The following MTMR2 variants were observed in gnomAD, a reference collection of about 807,000 sequenced individuals.
MTMR2 encodes myotubularin related protein 2.
Under a neutral mutation model 86.9 loss-of-function variants are expected in MTMR2, and 55 were observed. The ratio of observed to expected loss-of-function variants is 0.63; its 90% CI spans 0.51 to 0.79. The LOEUF is 0.79. Among genes scored for constraint, MTMR2 ranks in the 30% least tolerant of loss-of-function variants. The probability of loss-of-function intolerance (pLI) is 0.00; values close to 1 mark genes in which losing one functional copy is unlikely to be tolerated. For synonymous variants in MTMR2, 241 were observed against 266.8 expected, an observed-to-expected ratio of 0.90 and a Z score of 0.94; for missense variants, 659 against 772.3, an observed-to-expected ratio of 0.85 and a Z score of 1.74.
At chr11:95,886,339 A>C (rs1325632472) in intron 2 of MTMR2, among the ~76,000 whole-genome samples, 2 of 152,216 alleles carry the variant, frequency 1.3e-5, no homozygotes, top group Non-Finnish European at 2.9e-5. Flanking sequence ...TCTAAAATTA[A>C]AAGTTTAAGA....
intron 14 of MTMR2, 107 bp from the exon 15 acceptor site, chr11:95,835,558 T>C: frequency 8.9e-7 from 1 of 1,126,426 alleles, no homozygotes; most frequent in South Asian, 1.3e-5. Context: ...TTGGAACCAA[T>C]GGCACCTTTC....
intron 1 of MTMR2, among the ~76,000 whole-genome samples, chr11:95,910,507 T>C (rs992680377): frequency 2.6e-5 from 4 of 152,044 alleles, no homozygotes; most frequent in Non-Finnish European, 5.9e-5. Context: ...CTTCAAGTCA[T>C]CTATCTTTTC....
intron 2 of MTMR2, among the ~76,000 whole-genome samples, chr11:95,867,407 G>T (rs1864655857): frequency 6.6e-6 from 1 of 152,102 alleles, no homozygotes; most frequent in Non-Finnish European, 1.5e-5. Flanking sequence ...TTCTGGCAAA[G>T]GCACACAGAA....
intron 1 of MTMR2, among the ~76,000 whole-genome samples, chr11:95,917,652 A>C (rs562563283): frequency 6.3e-4 from 96 of 152,330 alleles, no homozygotes; most frequent in African/African-American, 2.1e-3. Context: ...TTCAGGCTGC[A>C]CGCCAATATA....
At chr11:95,878,670 CT>C (rs1479461740) in intron 2 of MTMR2, among the ~76,000 whole-genome samples, 2 of 152,050 alleles carry the variant, frequency 1.3e-5, no homozygotes, top group African/African-American at 4.8e-5. Flanking sequence ...TTTGTCCTGT[CT>C]CATCCTTTCA....
At chr11:95,847,677 G>C (rs1233966041) in intron 10 of MTMR2, 37 bp downstream of exon 10, 2 of 1,522,240 alleles carry the variant, frequency 1.3e-6, no homozygotes, top group Non-Finnish European at 9.1e-7. Flanking sequence ...AAGGGGTAGA[G>C]AGAGTCTTTG....
intron 3 of MTMR2, among the ~76,000 whole-genome samples, chr11:95,863,840 T>C (rs1042245113): frequency 1.3e-5 from 2 of 152,172 alleles, no homozygotes; most frequent in Non-Finnish European, 2.9e-5. Flanking sequence ...ACTATTATCA[T>C]CATTAGTCTT....
intron 1 of MTMR2, among the ~76,000 whole-genome samples, chr11:95,917,359 T>C (rs1290315805): frequency 6.6e-6 from 1 of 152,198 alleles, no homozygotes; most frequent in East Asian, 1.9e-4. Flanking sequence ...ACTTGGCAGC[T>C]TTCCAAAATA....
intron 14 of MTMR2, 89 bp downstream of exon 14, chr11:95,836,059 A>T (rs894064362): frequency 1.6e-6 from 2 of 1,274,084 alleles, no homozygotes. Flanking sequence ...AGTTTTAAAT[A>T]TGCACAGATA....
chr11:95,905,331 G>GCGCGCACA (rs928252045), intron 1 of MTMR2, among the ~76,000 whole-genome samples: 4 of 147,992 alleles, frequency 2.7e-5, no homozygotes, highest in African/African-American at 1.0e-4. Flanking sequence ...ACGCACCTGC[G>GCGCGCACA]CACACACACA....
chr11:95,888,269 A>G lies in MTMR2; in HGVS notation c.81-8T>C. Reference sequence around the variant, plus strand: ...GAATGAGAAGTGGAGGCACTACAAAATACAAAAGTACAGTATGTTGGAAAA... The same window carrying G: ...GAATGAGAAGTGGAGGCACTACAAAGTACAAAAGTACAGTATGTTGGAAAA... On this transcript the variant is annotated splice_region_variant and splice_polypyrimidine_tract_variant and intron_variant, in intron 1 of 14. Transcript: ENST00000346299. The G allele has an allele frequency of 6.3e-7, 1 of 1,582,136 alleles. No homozygotes were observed. Among genetic ancestry groups the G allele is most frequent in the Non-Finnish European group, 8.7e-7 (1 of 1,154,180 alleles).
chr11:95,888,068 T>C, intron 2 of MTMR2, 88 bp downstream of exon 2: 2 of 968,626 alleles, frequency 2.1e-6, no homozygotes, highest in Middle Eastern at 3.0e-4. Flanking sequence ...TCCATCAGTA[T>C]CTCCTGCTAA....
intron 2 of MTMR2, among the ~76,000 whole-genome samples, chr11:95,882,818 G>A (rs1865380062): frequency 6.7e-6 from 1 of 148,406 alleles, no homozygotes; most frequent in East Asian, 2.0e-4. Flanking sequence ...CGCCTCCCGG[G>A]TTCACGCCAT....
chr11:95,839,829 G>C (rs1863462515), intron 12 of MTMR2, among the ~76,000 whole-genome samples: 1 of 151,956 alleles, frequency 6.6e-6, no homozygotes, highest in African/African-American at 2.4e-5. Flanking sequence ...TTTATATTCA[G>C]GAAGAAAATA....
chr11:95,854,244 A>G (rs1460591129), intron 7 of MTMR2, among the ~76,000 whole-genome samples: 2 of 152,136 alleles, frequency 1.3e-5, no homozygotes, highest in South Asian at 2.1e-4. Flanking sequence ...TCTTTGGTAT[A>G]TATCTACTCT....
rs523153 is a variant in MTMR2 at position 95,837,797 on chromosome 11, G to A, written c.1593+297C>T. Reference sequence around the variant, plus strand: ...GCTGTAAAGGATTTCCATTCTACATGGAAAAATTGGTACACTGGTGCTCCT... The same window carrying A: ...GCTGTAAAGGATTTCCATTCTACATAGAAAAATTGGTACACTGGTGCTCCT... On this transcript the variant is annotated intron_variant, in intron 13 of 14. Coordinates refer to ENST00000346299, the MANE Select transcript of MTMR2 (RefSeq NM_016156.6). 0.35 allele frequency among the ~76,000 whole-genome samples: 53,134 copies of A among 151,782 alleles called. 9,930 individuals carry two copies. The highest frequency in any genetic ancestry group is 0.42 in the Non-Finnish European group (28,446 of 67,840).
Position 95,835,175 on chromosome 11 carries a change from AAAGT to A in MTMR2, c.*111_*114del. 1 of 1,115,176 alleles carries A rather than the reference AAAGT, an allele frequency of 9.0e-7. No homozygotes were observed. Among genetic ancestry groups the A allele is most frequent in the Middle Eastern group, 2.0e-4 (1 of 4,930 alleles). The allele number at this position is 1,115,176 out of a possible 1,614,324, so 69.1% of individuals were successfully genotyped here. On this transcript the variant is annotated 3_prime_UTR_variant, in exon 15 of 15. Coordinates refer to ENST00000346299, the MANE Select transcript of MTMR2 (RefSeq NM_016156.6). The stretch of plus-strand genomic sequence containing the variant: ...CATCCTAGAGAGATTTAAAATAAAT[AAAGT>A]GACTGAACTTTCTCTCATAGATGGG...
chr11:95,921,865 CAT>C (rs1439904876), intron 1 of MTMR2, among the ~76,000 whole-genome samples: 3 of 152,190 alleles, frequency 2.0e-5, no homozygotes, highest in East Asian at 3.9e-4. Flanking sequence ...TTGTCAGTAA[CAT>C]AATTTTTTAT....
intron 5 of MTMR2, 59 bp downstream of exon 5, chr11:95,861,933 T>G (rs1475925872): frequency 8.3e-7 from 1 of 1,211,438 alleles, no homozygotes; most frequent in African/African-American, 1.5e-5. Flanking sequence ...AAACAGAGGT[T>G]CTATTTAATA....
Sources: gnomAD v4.1 joint callset for allele counts (sites outside exome capture counted in the v4.1 genomes callset) on GRCh38, gnomAD v4.1.1 for gene constraint, MANE v1.5 for transcripts, NCBI Gene and HGNC (gene_info 2026-07-23, HGNC 2026-07-21) for gene names.